The following MGAT5 variants were observed in gnomAD, a reference collection of about 807,000 sequenced individuals.
The protein encoded by MGAT5 is alpha-1,6-mannosylglycoprotein 6-beta-N-acetylglucosaminyltransferase.
Under a neutral mutation model 94.3 loss-of-function variants are expected in MGAT5, and 30 were observed. The ratio of observed to expected loss-of-function variants is 0.32; its 90% CI spans 0.24 to 0.43. The LOEUF (loss-of-function observed/expected upper bound fraction) is 0.43. Among genes scored for constraint, MGAT5 ranks in the 20% least tolerant of loss-of-function variants. The pLI is 1.00. For missense variants in MGAT5, 691 were observed against 905.5 expected (o/e 0.76, Z 3.04); for synonymous variants, 310 against 322.9 (o/e 0.96, Z 0.43).
chr2:134,350,033 C>A, intron 9 of MGAT5, 95 bp downstream of exon 9: 1 of 1,393,636 alleles, frequency 7.2e-7, no homozygotes, highest in Non-Finnish European at 1.0e-6. Context: ...ATTCTCAGGA[C>A]CATTAGCTGT....
intron 2 of MGAT5, among the ~76,000 whole-genome samples, chr2:134,275,592 T>TTC (rs1684310134): frequency 6.9e-6 from 1 of 144,242 alleles, no homozygotes; most frequent in African/African-American, 2.6e-5. Context: ...TTTTTTTTTT[T>TTC]TTTTTTTTTT....
chr2:134,251,691 A>G (rs1239726194), upstream of MGAT5, among the ~76,000 whole-genome samples: 1 of 152,248 alleles, frequency 6.6e-6, no homozygotes, highest in East Asian at 1.9e-4. Context: ...CAATCCACAT[A>G]TACATTGTGA....
chr2:134,401,785 C>A (rs972060787), intron 10 of MGAT5, among the ~76,000 whole-genome samples: 1 of 152,166 alleles, frequency 6.6e-6, no homozygotes, highest in Non-Finnish European at 1.5e-5. Flanking sequence ...GCAAAGTCAT[C>A]CTGGTTCATG....
At chr2:134,415,346 A>G (rs7566254) in intron 12 of MGAT5, among the ~76,000 whole-genome samples, 21,424 of 152,128 alleles carry the variant, frequency 0.14, 2,060 homozygotes, top group East Asian at 0.32. Context: ...TTGTGGTTTC[A>G]ATGTGCATCT....
In MGAT5 at chr2:134,269,425, T is replaced by A. The variant is rs193109513; in HGVS notation, c.242-961T>A. ...CTTTTCTCAGTCCTGCTACCCACAC[T>A]GTGCACTTTTCCCCTGGCCCACTCC... is the stretch of plus-strand genomic sequence containing the variant. On this transcript the variant is annotated intron_variant, in intron 1 of 15. Transcript: ENST00000281923. Among the ~76,000 whole-genome samples, 147 of 152,348 alleles carry A rather than the reference T, an allele frequency of 9.6e-4. 1 individual carries two copies. Among genetic ancestry groups the A allele is most frequent in the Admixed American group, 9.1e-3 (140 of 15,308 alleles).
chr2:134,291,795 G>C (rs953836662), intron 2 of MGAT5, among the ~76,000 whole-genome samples: 21 of 152,292 alleles, frequency 1.4e-4, no homozygotes, highest in Non-Finnish European at 4.4e-5. Flanking sequence ...TGCTTAGTCA[G>C]TTTTCCCTAG....
At chr2:134,361,874 T>A (rs1293970834) in intron 9 of MGAT5, among the ~76,000 whole-genome samples, 1 of 152,202 alleles carries the variant, frequency 6.6e-6, no homozygotes. Context: ...ACTCTGCGCC[T>A]ATTCAGAACT....
At chr2:134,389,757 T>C (rs1682282985) in intron 10 of MGAT5, among the ~76,000 whole-genome samples, 2 of 152,216 alleles carry the variant, frequency 1.3e-5, no homozygotes, top group South Asian at 4.1e-4. Context: ...GTTAGGTGAC[T>C]CCTTTGGAGA....
chr2:134,322,594 T>TA (rs1687398840), intron 4 of MGAT5, among the ~76,000 whole-genome samples: 1 of 152,208 alleles, frequency 6.6e-6, no homozygotes, highest in Non-Finnish European at 1.5e-5. Context: ...CTACCATTGT[T>TA]AATGTGAGAT....
At chr2:134,193,394 G>A (rs1051188654) in intron 1 of MGAT5, among the ~76,000 whole-genome samples, 1 of 152,140 alleles carries the variant, frequency 6.6e-6, no homozygotes, top group Admixed American at 6.5e-5. Flanking sequence ...TGGGATTATA[G>A]ACATGTACCA....
intron 14 of MGAT5, among the ~76,000 whole-genome samples, chr2:134,431,017 C>T (rs1422565950): frequency 6.6e-6 from 1 of 152,114 alleles, no homozygotes; most frequent in African/African-American, 2.4e-5. Flanking sequence ...AGGCATCTTG[C>T]AGGAGGTGAG....
At chr2:134,446,167 T>C (rs1004022602) in intron 15 of MGAT5, among the ~76,000 whole-genome samples, 4 of 152,002 alleles carry the variant, frequency 2.6e-5, no homozygotes, top group African/African-American at 7.2e-5. Flanking sequence ...GCGGTCTCTG[T>C]GCATCACCCC....
intron 1 of MGAT5, among the ~76,000 whole-genome samples, chr2:134,221,135 T>G (rs1417220317): frequency 6.6e-6 from 1 of 152,200 alleles, no homozygotes; most frequent in Non-Finnish European, 1.5e-5. Context: ...GAGCCAAGTA[T>G]GAGTGACCAT....
At chr2:134,146,571 T>A (rs1044747814) in intron 1 of MGAT5, among the ~76,000 whole-genome samples, 5 of 151,542 alleles carry the variant, frequency 3.3e-5, no homozygotes, top group East Asian at 3.9e-4. Flanking sequence ...AAAAAAAAAA[T>A]TGATTAGGCT....
In MGAT5 at chr2:134,445,072, C is replaced by A. The variant is rs543220651; in HGVS notation, c.2027+3157C>A. ...ATTTTGCTACCTCTTAAAGTTGTTT[C>A]TTCTACAATGTTAAATTATTGGCAA... On this transcript the variant is annotated intron_variant, in intron 15 of 15. Transcript: ENST00000281923. 7.2e-5 allele frequency among the ~76,000 whole-genome samples: 11 copies of A among 152,274 alleles called. 1 individual carries two copies. In the East Asian group the frequency reaches 1.2e-3, roughly 16 times the overall value.
intron 2 of MGAT5, among the ~76,000 whole-genome samples, chr2:134,302,875 C>A (rs940779198): frequency 6.6e-6 from 1 of 151,886 alleles, no homozygotes; most frequent in African/African-American, 2.4e-5. Flanking sequence ...AACATTTTCT[C>A]TTTCTCATTT....
At chr2:134,335,172 G>A (rs1035683904) in intron 4 of MGAT5, among the ~76,000 whole-genome samples, 5 of 148,200 alleles carry the variant, frequency 3.4e-5, no homozygotes, top group Non-Finnish European at 7.4e-5. Flanking sequence ...GACTGAGAGG[G>A]CACACTGTCT....
intron 11 of MGAT5, among the ~76,000 whole-genome samples, chr2:134,411,151 C>T (rs553337328): frequency 6.6e-6 from 1 of 152,182 alleles, no homozygotes; most frequent in Admixed American, 6.5e-5. Context: ...AGCCACATGT[C>T]CAGGCCACAC....
intron 1 of MGAT5, among the ~76,000 whole-genome samples, chr2:134,258,064 A>G (rs1381112682): frequency 1.3e-5 from 2 of 152,106 alleles, no homozygotes; most frequent in Non-Finnish European, 2.9e-5. Flanking sequence ...GGATTGTAGT[A>G]GCTGATTTTA....
Sources: allele counts gnomAD v4.1 joint callset (sites outside exome capture counted in the v4.1 genomes callset), GRCh38; gene constraint gnomAD v4.1.1; transcripts MANE v1.5; gene names NCBI Gene and HGNC (gene_info 2026-07-23, HGNC 2026-07-21).